MYOF: variants seen among roughly 807,000 people sequenced by gnomAD.
MYOF encodes the protein fer-1-like 3, myoferlin.
Under a neutral mutation model 284.2 loss-of-function variants are expected in MYOF, and 244 were observed. The observed-to-expected ratio is 0.86, with a 90% CI of 0.77 to 0.95. MYOF has a LOEUF of 0.95. Among genes scored for constraint, MYOF ranks in the 40% least tolerant of loss-of-function variants. The pLI, the probability that MYOF is intolerant of heterozygous loss-of-function variation, is 0.00. For synonymous variants in MYOF, 904 were observed against 919.7 expected, an observed-to-expected ratio of 0.98 and a Z score of 0.31; for missense variants, 2,496 against 2,560.6, an observed-to-expected ratio of 0.97 and a Z score of 0.54.
chr10:93,333,853 ACTGT>A lies in MYOF; in HGVS notation c.4620_4623del (p.Arg1540SerfsTer23), dbSNP rs1843466426. The stretch of plus-strand genomic sequence containing the variant: ...GGGACGCTGTCAGGTAATTCCCGAA[ACTGT>A]CTGGGAGGGGCTGGCACGCTGGGGT... On this transcript the variant is annotated frameshift_variant, in exon 42 of 54. Coordinates refer to ENST00000359263, the MANE Select transcript of MYOF (RefSeq NM_013451.4). LOFTEE classifies it high-confidence loss of function. 5 of 1,613,944 alleles carry A rather than the reference ACTGT, an allele frequency of 3.1e-6. No individual in the cohort carries two copies. The highest frequency in any genetic ancestry group is 4.2e-6 in the Non-Finnish European group (5 of 1,179,988).
At chr10:93,463,573 T>G (rs148185806) in intron 1 of MYOF, among the ~76,000 whole-genome samples, 7,091 of 151,692 alleles carry the variant, frequency 0.047, 222 homozygotes, top group Non-Finnish European at 0.07. Context: ...CTAATTTTTG[T>G]ATTTTAGTAG....
intron 38 of MYOF, chr10:93,341,883 C>T: frequency 1.6e-6 from 2 of 1,285,428 alleles, no homozygotes; most frequent in East Asian, 5.6e-5. Flanking sequence ...CAGTCCCAGG[C>T]AGCCTCATGC....
Position 93,460,502 on chromosome 10 carries a change from G to A in MYOF, c.89-3565C>T, listed in dbSNP as rs1211880245. Among the ~76,000 whole-genome samples, 6 of 152,232 alleles carry A rather than the reference G, an allele frequency of 3.9e-5. No individual in the cohort carries two copies. The East Asian group carries it at 5.8e-4, about 15-fold the overall frequency. The stretch of plus-strand genomic sequence containing the variant: ...AGGCTGGCTGGACATGGCGGCTCAC[G>A]CCTGTAATCCTAGCACTTTGGGAGG... On this transcript the variant is annotated intron_variant, in intron 1 of 53. Coordinates refer to ENST00000359263, the MANE Select transcript of MYOF (RefSeq NM_013451.4).
intron 5 of MYOF, among the ~76,000 whole-genome samples, chr10:93,412,719 T>C (rs547754571): frequency 2.9e-4 from 44 of 152,230 alleles, no homozygotes; most frequent in African/African-American, 1.1e-3. Flanking sequence ...ACAAAGTATA[T>C]AGAAAGTGCT....
chr10:93,438,221 A>G (rs1199531982), intron 3 of MYOF, among the ~76,000 whole-genome samples: 1 of 151,964 alleles, frequency 6.6e-6, no homozygotes, highest in Non-Finnish European at 1.5e-5. Context: ...TTGGCTATCA[A>G]TTCCTACTTG....
intron 3 of MYOF, among the ~76,000 whole-genome samples, chr10:93,439,413 G>A (rs1418141116): frequency 1.3e-5 from 2 of 152,182 alleles, no homozygotes; most frequent in Non-Finnish European, 2.9e-5. Context: ...CTGCTCTGAT[G>A]GTTCAGTGGA....
intron 23 of MYOF, among the ~76,000 whole-genome samples, chr10:93,374,402 G>T (rs1272063210): frequency 1.3e-5 from 2 of 152,152 alleles, no homozygotes; most frequent in African/African-American, 4.8e-5. Context: ...TGTTATACAT[G>T]GTAGAACCAA....
At chr10:93,340,275 T>A in intron 38 of MYOF, 111 bp from the exon 39 acceptor site, 1 of 1,046,358 alleles carries the variant, frequency 9.6e-7, no homozygotes, top group Non-Finnish European at 1.4e-6. Flanking sequence ...AAATTATTAT[T>A]CATGCATGCC....
chr10:93,348,698 G>T (rs996984323), intron 36 of MYOF, among the ~76,000 whole-genome samples: 2 of 152,080 alleles, frequency 1.3e-5, no homozygotes, highest in African/African-American at 4.8e-5. Flanking sequence ...GGGCATTGGG[G>T]TTGTAAGGAC....
At chr10:93,347,356 T>G (rs902601454) in intron 37 of MYOF, among the ~76,000 whole-genome samples, 49 of 150,162 alleles carry the variant, frequency 3.3e-4, no homozygotes, top group African/African-American at 1.1e-3. Context: ...ATCGAGACCA[T>G]CCTGGCTAAC....
In MYOF at chr10:93,337,893, C is replaced by T. The variant is rs1187637248; in HGVS notation, c.4359G>A (p.Trp1453Ter). The T allele has an allele frequency of 6.2e-7, 1 of 1,614,024 alleles. No homozygotes were observed. The highest frequency in any genetic ancestry group is 1.1e-5 in the South Asian group (1 of 91,058). Reference sequence around the variant, plus strand: ...CTGAGGAAGCATAAAATTTACTCCACCAGTCCACGATTTCTTCCTCCTAAA... The same window carrying T: ...CTGAGGAAGCATAAAATTTACTCCATCAGTCCACGATTTCTTCCTCCTAAA... ...LTEKEEEIVD[W>*]WSKFYASSGE... The change falls in exon 40 of 54, where the codon TGG becomes TGA. Residue 1453 changes from tryptophan to a stop codon, truncating the protein, a stop_gained. Transcript: ENST00000359263. LOFTEE classifies it high-confidence loss of function.
chr10:93,351,819 T>C lies in MYOF; in HGVS notation c.3509A>G (p.His1170Arg), dbSNP rs1844534438. The change falls in exon 33 of 54, where the codon CAT becomes CGT. Residue 1170 changes from histidine to arginine, a missense_variant. By Grantham distance (29) the His-to-Arg change is conservative (BLOSUM62 0). This residue lies in a region of MYOF where 2,436 missense variants were observed against 2,480.7 expected (regional missense o/e 0.98). Transcript: ENST00000359263. ...SDPYAHICFL[H>R]RSKTTEIIHS... ...GATGATCTCAGTGGTTTTGCTCCGA[T>C]GGAGGAAACAGATATGAGCATATGG... 6.3e-7 allele frequency: 1 copy of C among 1,586,554 alleles called. No individual in the cohort carries two copies. The highest frequency in any genetic ancestry group is 8.5e-7 in the Non-Finnish European group (1 of 1,173,700).
chr10:93,379,881 T>C lies in MYOF; in HGVS notation c.1983A>G (p.Leu661=), dbSNP rs768590476. 1 of 1,614,024 alleles carries C rather than the reference T, an allele frequency of 6.2e-7. No individual in the cohort carries two copies. Among genetic ancestry groups the C allele is most frequent in the Admixed American group, 1.7e-5 (1 of 60,014 alleles). The part of the protein sequence containing the change: ...SHRLDAVNTL[L]AMAERLQTNI... ...AACTTACCAGCCGTTCTGCCATAGC[T>C]AGGAGAGTGTTCACCGCATCCAGGC... Residue 661 remains leucine, a synonymous_variant, in exon 21 of 54, where the codon CTA becomes CTG. Coordinates refer to ENST00000359263, the MANE Select transcript of MYOF (RefSeq NM_013451.4).
intron 5 of MYOF, among the ~76,000 whole-genome samples, chr10:93,411,332 C>T (rs975851475): frequency 6.6e-6 from 1 of 152,224 alleles, no homozygotes; most frequent in Non-Finnish European, 1.5e-5. Context: ...CAGTTGGAGC[C>T]TTCTCTGCCT....
intron 1 of MYOF, among the ~76,000 whole-genome samples, chr10:93,473,553 G>A (rs2057197208): frequency 6.6e-6 from 1 of 152,228 alleles, no homozygotes; most frequent in Non-Finnish European, 1.5e-5. Flanking sequence ...AGTAATGGCT[G>A]CCATGTGCAG....
intron 1 of MYOF, among the ~76,000 whole-genome samples, chr10:93,467,853 T>G (rs2057048484): frequency 6.6e-6 from 1 of 152,152 alleles, no homozygotes; most frequent in Non-Finnish European, 1.5e-5. Flanking sequence ...AAACCATCAT[T>G]CTCAGCAAAC....
intron 37 of MYOF, among the ~76,000 whole-genome samples, chr10:93,347,298 A>G (rs1238236619): frequency 1.2e-4 from 18 of 150,308 alleles, no homozygotes; most frequent in Non-Finnish European, 3.0e-5. Context: ...CACGCCTGTA[A>G]TCCCAGCACT....
intron 1 of MYOF, among the ~76,000 whole-genome samples, chr10:93,459,337 C>A (rs1402315435): frequency 6.6e-6 from 1 of 152,168 alleles, no homozygotes; most frequent in Non-Finnish European, 1.5e-5. Context: ...TAGAACTGGA[C>A]AAAATGGTTT....
chr10:93,453,918 C>T (rs548706165), intron 2 of MYOF, among the ~76,000 whole-genome samples: 4 of 152,194 alleles, frequency 2.6e-5, no homozygotes, highest in Non-Finnish European at 5.9e-5. Context: ...CGCAGTGGCT[C>T]ATGCCTGTAA....
Sources: allele counts gnomAD v4.1 joint callset (sites outside exome capture counted in the v4.1 genomes callset), GRCh38; gene constraint gnomAD v4.1.1; regional missense constraint gnomAD v4.1.1; transcripts MANE v1.5; gene names NCBI Gene and HGNC (gene_info 2026-07-23, HGNC 2026-07-21).